The following PCDHA4 variants were observed in gnomAD, a reference collection of about 807,000 sequenced individuals.
The protein encoded by PCDHA4 is protocadherin alpha-4.
In PCDHA4, 49 loss-of-function variants were observed where a neutral mutation model predicts 61.4. The observed-to-expected ratio is 0.80, with a 90% CI of 0.63 to 1.01. The LOEUF is 1.01. PCDHA4 is among the 50% of genes least tolerant of loss of function. The pLI is 0.00. For missense variants in PCDHA4, 1,254 were observed against 1,235.8 expected (o/e 1.01, Z -0.22); for synonymous variants, 590 against 550.3 (o/e 1.07, Z -1.01).
At chr5:140,878,264 T>G (rs577205816) in intron 1 of PCDHA4, among the ~76,000 whole-genome samples, 83 of 152,314 alleles carry the variant, frequency 5.4e-4, no homozygotes, top group African/African-American at 1.9e-3. Flanking sequence ...TGCTTAGGCT[T>G]TTAAAATAGC....
At chr5:140,869,764 G>A (rs1554163420) in intron 1 of PCDHA4, 4 of 1,613,244 alleles carry the variant, frequency 2.5e-6, no homozygotes, top group East Asian at 4.5e-5. Context: ...GGGAAAACCA[G>A]AGCTTACTGG....
chr5:140,886,786 A>C (rs2061126610), intron 1 of PCDHA4, among the ~76,000 whole-genome samples: 1 of 150,390 alleles, frequency 6.6e-6, no homozygotes, highest in East Asian at 2.0e-4. Context: ...AGATCATGCT[A>C]CTGTACTCCA....
At chr5:140,966,488 C>A (rs1161799910) in intron 1 of PCDHA4, 8 of 440,132 alleles carry the variant, frequency 1.8e-5, no homozygotes, top group Admixed American at 8.7e-5. Flanking sequence ...TTTCCCTCCC[C>A]CTGGAGCTGT....
intron 1 of PCDHA4, chr5:140,968,074 C>T (rs781940696): frequency 1.2e-6 from 2 of 1,614,020 alleles, no homozygotes; most frequent in African/African-American, 1.3e-5. Context: ...CTGTCTACAA[C>T]ATCACGGTGA....
At chr5:140,889,009 C>T (rs1030437186) in intron 1 of PCDHA4, among the ~76,000 whole-genome samples, 7 of 152,128 alleles carry the variant, frequency 4.6e-5, no homozygotes, top group Admixed American at 1.3e-4. Flanking sequence ...GCAAACCAAC[C>T]TCTACTTCCT....
intron 1 of PCDHA4, chr5:140,884,501 G>A: frequency 1.9e-6 from 3 of 1,614,146 alleles, no homozygotes; most frequent in Middle Eastern, 1.6e-4. Context: ...CTCCAGCGCG[G>A]CAGGGAGTTG....
At position 140,879,699 on chromosome 5, in the gene PCDHA4, A is replaced by G. The variant is rs952913043; in HGVS notation, c.2385+70127A>G. Among the ~76,000 whole-genome samples the G allele has an allele frequency of 2.6e-5, 4 of 152,218 alleles. No individual in the cohort carries two copies. In the South Asian group the frequency reaches 8.3e-4, roughly 32 times the overall value. The stretch of plus-strand genomic sequence containing the variant: ...TGCTGTAAAACAGCAAAAGTTTATT[A>G]TTTCTCAGTATTGGAGACCAGAAGT... On this transcript the variant is annotated intron_variant, in intron 1 of 3. Coordinates refer to ENST00000530339, the MANE Select transcript of PCDHA4 (RefSeq NM_018907.4).
rs782804250 is a variant in PCDHA4, at chr5:140,808,893, G to A, written c.1706G>A (p.Arg569Gln). ...NDNAPALLAP[R>Q]AGGTGGAVSE... ...AACGCGCCAGCACTGCTAGCGCCTC[G>A]GGCGGGTGGCACTGGTGGCGCAGTG... Residue 569 changes from arginine (R) to glutamine (Q), a missense_variant, in exon 1 of 4, where the codon CGG (arginine) becomes CAG (glutamine). Physicochemically the swap from Arg to Gln is conservative, Grantham distance 43 (BLOSUM62 1). Transcript: ENST00000530339. 6 of 1,613,408 alleles carry A rather than the reference G, an allele frequency of 3.7e-6. No homozygotes were observed. Among genetic ancestry groups the A allele is most frequent in the Non-Finnish European group, 5.1e-6 (6 of 1,179,880 alleles).
chr5:140,928,217 C>T, intron 1 of PCDHA4: 2 of 1,614,212 alleles, frequency 1.2e-6, no homozygotes, highest in Non-Finnish European at 1.7e-6. Flanking sequence ...AATGACAATA[C>T]ACCAAACTTT....
At chr5:140,822,921 G>A (rs2150120413) in intron 1 of PCDHA4, 1 of 1,614,234 alleles carries the variant, frequency 6.2e-7, no homozygotes, top group Non-Finnish European at 8.5e-7. Context: ...GTGCCAACGG[G>A]CAGGTGACCT....
intron 1 of PCDHA4, chr5:140,842,521 C>T (rs2150337974): frequency 1.9e-6 from 3 of 1,613,508 alleles, no homozygotes; most frequent in East Asian, 4.5e-5. Context: ...TGGTGTCCAC[C>T]TTCAAGAATT....
intron 1 of PCDHA4, chr5:140,850,409 C>G: frequency 6.3e-7 from 1 of 1,597,868 alleles, no homozygotes; most frequent in South Asian, 1.1e-5. Flanking sequence ...GTGCCCTGGA[C>G]GAAACGGACG....
At position 140,876,890 on chromosome 5, in the gene PCDHA4, A is replaced by G. The variant is rs373414098; in HGVS notation, c.2385+67318A>G. On this transcript the variant is annotated intron_variant, in intron 1 of 3. Coordinates refer to ENST00000530339, the MANE Select transcript of PCDHA4 (RefSeq NM_018907.4). ...AAGGAGAACAACCCGCCGGGCTGCC[A>G]CATCTTCACGGTGTCGGCATGGGAC... The G allele has an allele frequency of 4.0e-5, 65 of 1,613,968 alleles. No individual in the cohort carries two copies. In the African/African-American group the frequency reaches 8.1e-4, roughly 20 times the overall value.
intron 1 of PCDHA4, chr5:140,861,480 T>C (rs2046942458): frequency 4.1e-6 from 2 of 490,608 alleles, no homozygotes; most frequent in African/African-American, 2.0e-5. Flanking sequence ...GAATGGCATT[T>C]TTGTGAGTTC....
intron 1 of PCDHA4, chr5:140,843,832 T>C (rs1176599211): frequency 8.9e-7 from 1 of 1,120,192 alleles, no homozygotes; most frequent in Non-Finnish European, 1.3e-6. Flanking sequence ...AAACATTGTT[T>C]AGTTTTTAGA....
Position 140,883,641 on chromosome 5 carries a change from C to T in PCDHA4, c.2385+74069C>T, listed in dbSNP as rs1427282306. On this transcript the variant is annotated intron_variant, in intron 1 of 3. Coordinates refer to ENST00000530339, the MANE Select transcript of PCDHA4 (RefSeq NM_018907.4). ...GACAACGCGCCGGCGTTCGCGCAGC[C>T]CGAGTACACGGTGTTCGTGAAGGAA... is the stretch of plus-strand genomic sequence containing the variant. 3.7e-6 allele frequency: 6 copies of T among 1,613,840 alleles called. No homozygotes were observed. In the Admixed American group the frequency reaches 6.7e-5, roughly 18 times the overall value.
At chr5:140,933,480 G>C (rs1255769578) in intron 1 of PCDHA4, among the ~76,000 whole-genome samples, 1 of 151,846 alleles carries the variant, frequency 6.6e-6, no homozygotes, top group South Asian at 2.1e-4. Flanking sequence ...ACACATTATG[G>C]TTATTCTTTA....
chr5:140,936,003 C>T (rs1362734996), intron 1 of PCDHA4, among the ~76,000 whole-genome samples: 22 of 151,556 alleles, frequency 1.5e-4, no homozygotes, highest in Non-Finnish European at 1.5e-4. Context: ...AGCGATTCTC[C>T]CACCTCAGCC....
chr5:141,010,446 C>T lies in PCDHA4; in HGVS notation c.*509C>T. The T allele has an allele frequency of 1.1e-6, 1 of 944,708 alleles. No homozygotes were observed. The highest frequency in any genetic ancestry group is 1.5e-6 in the Non-Finnish European group (1 of 656,274). 58.5% of individuals were successfully genotyped at this position (944,708 alleles called of 1,614,324 possible). ...AGGCAAGAAAACAAAGACAAATAAACAGCGGAAGTTATCAGTATGGAGGGG... is the reference window on the plus strand; with the variant it reads ...AGGCAAGAAAACAAAGACAAATAAATAGCGGAAGTTATCAGTATGGAGGGG... On this transcript the variant is annotated 3_prime_UTR_variant, in exon 4 of 4. Coordinates refer to ENST00000530339, the MANE Select transcript of PCDHA4 (RefSeq NM_018907.4).
Sources: allele counts gnomAD v4.1 joint callset (sites outside exome capture counted in the v4.1 genomes callset), GRCh38; gene constraint gnomAD v4.1.1; transcripts MANE v1.5; gene names NCBI Gene and HGNC (gene_info 2026-07-23, HGNC 2026-07-21).